The following DLGAP2 variants were observed in gnomAD, a reference collection of about 807,000 sequenced individuals.
DLGAP2 encodes DLG associated protein 2.
A neutral mutation model predicts 100.3 loss-of-function variants in DLGAP2; 26 were observed. The ratio of observed to expected loss-of-function variants is 0.26; its 90% CI spans 0.19 to 0.36. The LOEUF (loss-of-function observed/expected upper bound fraction) is 0.36. Among genes scored for constraint, DLGAP2 ranks in the 10% least tolerant of loss-of-function variants. The probability of loss-of-function intolerance (pLI) is 1.00; values close to 1 mark genes in which losing one functional copy is unlikely to be tolerated. For synonymous variants in DLGAP2, 886 were observed against 630.1 expected (o/e 1.41, Z -6.08); for missense variants, 1,858 against 1,453.2 (o/e 1.28, Z -4.53).
At chr8:859,824 A>G (rs1484393904) in intron 1 of DLGAP2, among the ~76,000 whole-genome samples, 2 of 152,156 alleles carry the variant, frequency 1.3e-5, no homozygotes, top group Admixed American at 6.6e-5. Flanking sequence ...GGTGCGGTGT[A>G]GGGGCCACCT....
intron 2 of DLGAP2, among the ~76,000 whole-genome samples, chr8:1,251,197 A>C (rs1799032173): frequency 6.6e-6 from 1 of 152,180 alleles, no homozygotes; most frequent in African/African-American, 2.4e-5. Context: ...ATTTACTGTC[A>C]TCCTGGGCTT....
At chr8:1,505,627 A>T (rs1450796364) in intron 4 of DLGAP2, among the ~76,000 whole-genome samples, 1 of 152,232 alleles carries the variant, frequency 6.6e-6, no homozygotes, top group Non-Finnish European at 1.5e-5. Context: ...AGTTTTCCAT[A>T]AAATTAAAGT....
In DLGAP2 at chr8:1,615,299, C is replaced by T. The variant is rs541565340; in HGVS notation, c.1443-11441C>T. Among the ~76,000 whole-genome samples the T allele has an allele frequency of 1.4e-3, 217 of 152,306 alleles. No individual in the cohort carries two copies. In the South Asian group the frequency reaches 0.02, roughly 14 times the overall value. Reference sequence around the variant, plus strand: ...ACCCCAGCAACGCACGAGCCAAACACCCAAAGCTAAGGAGGATCGGCCACA... The same window carrying T: ...ACCCCAGCAACGCACGAGCCAAACATCCAAAGCTAAGGAGGATCGGCCACA... On this transcript the variant is annotated intron_variant, in intron 6 of 14. Transcript: ENST00000637795.
chr8:886,225 TC>T (rs1368152442), intron 1 of DLGAP2, among the ~76,000 whole-genome samples: 2 of 152,322 alleles, frequency 1.3e-5, no homozygotes, highest in Admixed American at 6.5e-5. Context: ...AGTTTGTATT[TC>T]TTTGAGGTCA....
intron 2 of DLGAP2, among the ~76,000 whole-genome samples, chr8:1,212,071 A>G (rs2116788786): frequency 6.6e-6 from 1 of 152,318 alleles, no homozygotes; most frequent in South Asian, 2.1e-4. Flanking sequence ...TTATTTTATG[A>G]ACAAATGAAA....
At chr8:1,211,331 G>T (rs983763797) in intron 2 of DLGAP2, among the ~76,000 whole-genome samples, 1 of 152,200 alleles carries the variant, frequency 6.6e-6, no homozygotes, top group South Asian at 2.1e-4. Context: ...GCTTTTGCAG[G>T]GGTAATGAAC....
At chr8:1,581,354 A>G (rs183853468) in intron 6 of DLGAP2, among the ~76,000 whole-genome samples, 6 of 151,158 alleles carry the variant, frequency 4.0e-5, no homozygotes, top group African/African-American at 4.9e-5. Context: ...ACAAAACTCC[A>G]CACATATACA....
intron 3 of DLGAP2, among the ~76,000 whole-genome samples, chr8:1,287,129 A>AGT (rs1799938475): frequency 8.2e-6 from 1 of 121,658 alleles, no homozygotes; most frequent in Admixed American, 9.4e-5. Flanking sequence ...GTTTCGGTTC[A>AGT]GCGTGTGTGT....
chr8:1,261,606 C>T (rs1370913931), intron 3 of DLGAP2, among the ~76,000 whole-genome samples: 2 of 152,148 alleles, frequency 1.3e-5, no homozygotes, highest in Non-Finnish European at 2.9e-5. Context: ...CTGCTCTGGC[C>T]TGCCCCTCCT....
intron 2 of DLGAP2, among the ~76,000 whole-genome samples, chr8:1,146,550 G>A (rs1213589731): frequency 6.6e-6 from 1 of 151,386 alleles, no homozygotes; most frequent in East Asian, 2.0e-4. Context: ...AATATCTCTG[G>A]AACTGTGTGT....
intron 3 of DLGAP2, among the ~76,000 whole-genome samples, chr8:1,349,514 GT>G (rs1801653947): frequency 2.7e-5 from 4 of 150,016 alleles, no homozygotes; most frequent in African/African-American, 4.9e-5. Flanking sequence ...GTAGAAAGGG[GT>G]GTTTGAGGGG....
chr8:759,406 G>T (rs951896753), intron 1 of DLGAP2, among the ~76,000 whole-genome samples: 7 of 151,998 alleles, frequency 4.6e-5, no homozygotes, highest in African/African-American at 9.7e-5. Flanking sequence ...GGCTCCCCCT[G>T]GGCTGCACGT....
intron 7 of DLGAP2, among the ~76,000 whole-genome samples, chr8:1,627,197 G>C (rs1316149797): frequency 6.6e-6 from 1 of 152,204 alleles, no homozygotes; most frequent in African/African-American, 2.4e-5. Flanking sequence ...TTCTTCCCAG[G>C]CTATTTTTCC....
At chr8:1,379,927 G>T (rs959859220) in intron 3 of DLGAP2, among the ~76,000 whole-genome samples, 1 of 148,994 alleles carries the variant, frequency 6.7e-6, no homozygotes, top group Non-Finnish European at 1.5e-5. Flanking sequence ...TGATTTTGGG[G>T]TGCCCTCCCT....
At chr8:814,179 T>C (rs1796421326) in intron 1 of DLGAP2, among the ~76,000 whole-genome samples, 1 of 152,132 alleles carries the variant, frequency 6.6e-6, no homozygotes, top group Non-Finnish European at 1.5e-5. Flanking sequence ...CCCATCAAAA[T>C]CAATAGAGGC....
At chr8:1,114,311 G>A (rs1249555438) in intron 2 of DLGAP2, among the ~76,000 whole-genome samples, 2 of 152,092 alleles carry the variant, frequency 1.3e-5, no homozygotes, top group African/African-American at 4.8e-5. Context: ...GAGTTCAGCT[G>A]TAAATTCATC....
chr8:1,699,102 G>C (rs937360523), intron 14 of DLGAP2, among the ~76,000 whole-genome samples: 1 of 152,252 alleles, frequency 6.6e-6, no homozygotes, highest in Non-Finnish European at 1.5e-5. Flanking sequence ...CAAACGGAAC[G>C]TACTGAAGTT....
intron 3 of DLGAP2, among the ~76,000 whole-genome samples, chr8:1,335,702 G>A (rs1409413390): frequency 6.6e-6 from 1 of 152,204 alleles, no homozygotes. Flanking sequence ...CATATTGTCT[G>A]TGCAGGACGC....
intron 1 of DLGAP2, among the ~76,000 whole-genome samples, chr8:895,495 A>G (rs1798127635): frequency 6.6e-6 from 1 of 152,148 alleles, no homozygotes; most frequent in South Asian, 2.1e-4. Context: ...CTTGGCGCTG[A>G]TGAGGAGCAG....
Sources: allele counts gnomAD v4.1 joint callset (sites outside exome capture counted in the v4.1 genomes callset), GRCh38; gene constraint gnomAD v4.1.1; transcripts MANE v1.5; gene names NCBI Gene and HGNC (gene_info 2026-07-23, HGNC 2026-07-21).